The following MAGI3 variants were observed in gnomAD, a reference collection of about 807,000 sequenced individuals.
MAGI3 encodes the protein membrane associated guanylate kinase, WW and PDZ domain containing 3.
MAGI3 carries 43 observed loss-of-function variants against 121.8 expected under a neutral mutation model. That is an observed-to-expected ratio of 0.35 (90% CI 0.28 to 0.46). MAGI3 has a LOEUF of 0.46. MAGI3 is among the 20% of genes least tolerant of loss of function. The pLI is 1.00. For missense variants in MAGI3, 1,547 were observed against 1,797.3 expected, an observed-to-expected ratio of 0.86 and a Z score of 2.52; for synonymous variants, 553 against 639.3, an observed-to-expected ratio of 0.86 and a Z score of 2.04.
intron 1 of MAGI3, among the ~76,000 whole-genome samples, chr1:113,463,883 A>G (rs1655150571): frequency 1.3e-5 from 2 of 152,076 alleles, no homozygotes; most frequent in Admixed American, 1.3e-4. Flanking sequence ...TTATGGATGT[A>G]TAATAGAGGT....
intron 1 of MAGI3, among the ~76,000 whole-genome samples, chr1:113,527,279 T>G (rs921466496): frequency 6.6e-6 from 1 of 152,044 alleles, no homozygotes; most frequent in African/African-American, 2.4e-5. Flanking sequence ...GCATTCACAT[T>G]TGGATTTGCT....
chr1:113,423,903 G>A (rs1417145135), intron 1 of MAGI3, among the ~76,000 whole-genome samples: 2 of 151,926 alleles, frequency 1.3e-5, no homozygotes, highest in African/African-American at 2.4e-5. Flanking sequence ...TGGGGTGGGG[G>A]CGGGGACTGG....
At chr1:113,669,290 C>T (rs1647375900) in intron 16 of MAGI3, among the ~76,000 whole-genome samples, 1 of 152,126 alleles carries the variant, frequency 6.6e-6, no homozygotes, top group Non-Finnish European at 1.5e-5. Context: ...ACAGGAATAT[C>T]GAGATAACTG....
chr1:113,453,309 A>G (rs890408123), intron 1 of MAGI3, among the ~76,000 whole-genome samples: 1 of 152,136 alleles, frequency 6.6e-6, no homozygotes, highest in Non-Finnish European at 1.5e-5. Context: ...CCTGTTTCCA[A>G]TTCAAATTTC....
At chr1:113,628,466 T>C (rs957154648) in intron 9 of MAGI3, among the ~76,000 whole-genome samples, 1 of 152,178 alleles carries the variant, frequency 6.6e-6, no homozygotes, top group Non-Finnish European at 1.5e-5. Flanking sequence ...CCACCACAAT[T>C]ACAGTTTAAT....
chr1:113,643,638 C>G, intron 10 of MAGI3, 105 bp from the exon 11 acceptor site: 1 of 994,598 alleles, frequency 1.0e-6, no homozygotes, highest in Non-Finnish European at 1.6e-6. Context: ...ACAGAATTTA[C>G]TAGCGTACTA....
At chr1:113,657,799 A>G (rs1653564896) in intron 15 of MAGI3, among the ~76,000 whole-genome samples, 2 of 152,244 alleles carry the variant, frequency 1.3e-5, no homozygotes, top group South Asian at 4.1e-4. Context: ...AAATAGAATA[A>G]TAAGTGCTTG....
chr1:113,521,571 A>G (rs1421451286), intron 1 of MAGI3, among the ~76,000 whole-genome samples: 2 of 151,088 alleles, frequency 1.3e-5, no homozygotes, highest in Non-Finnish European at 3.0e-5. Flanking sequence ...ACGCCCAGCT[A>G]ATTTTTGTGT....
chr1:113,439,066 G>C (rs2101451708), intron 1 of MAGI3, among the ~76,000 whole-genome samples: 1 of 152,240 alleles, frequency 6.6e-6, no homozygotes, highest in South Asian at 2.1e-4. Context: ...AGGATTACTT[G>C]AACACAGGCA....
In MAGI3 at chr1:113,391,365, G is replaced by C. The variant is rs1308167597; in HGVS notation, c.316+16G>C. 6.3e-7 allele frequency: 1 copy of C among 1,577,508 alleles called. No individual in the cohort carries two copies. Among genetic ancestry groups the C allele is most frequent in the Non-Finnish European group, 8.6e-7 (1 of 1,162,846 alleles). On this transcript the variant is annotated intron_variant, in intron 1 of 20. Coordinates refer to ENST00000307546, the MANE Select transcript of MAGI3 (RefSeq NM_001142782.2). This position sits in a 1 kb window ranked among gnomAD's most constrained non-coding sequence, Gnocchi z 4.4. ...GTGAAACCAGGTACGCCGGCCCTGC[G>C]TATCTGTCTCGGGGTGTTGGGGAGA...
intron 6 of MAGI3, among the ~76,000 whole-genome samples, chr1:113,604,613 G>GGT (rs1253756010): frequency 2.1e-5 from 3 of 144,236 alleles, no homozygotes; most frequent in Middle Eastern, 7.6e-3. Flanking sequence ...AAGAAAATGT[G>GGT]GTATATATAT....
chr1:113,480,257 C>G (rs1437114153), intron 1 of MAGI3, among the ~76,000 whole-genome samples: 1 of 152,194 alleles, frequency 6.6e-6, no homozygotes, highest in African/African-American at 2.4e-5. Flanking sequence ...GCAGGGAATG[C>G]CCTGCAACAG....
Position 113,618,373 on chromosome 1 carries a change from T to C in MAGI3, c.1077-1363T>C, listed in dbSNP as rs1445493206. On this transcript the variant is annotated intron_variant, in intron 7 of 20. Coordinates refer to ENST00000307546, the MANE Select transcript of MAGI3 (RefSeq NM_001142782.2). ...TAAATAAAGAAATAAAAAGGCAAAG[T>C]AAATGTTCAACTTGTGTGACTATTT... 3.9e-5 allele frequency among the ~76,000 whole-genome samples: 6 copies of C among 152,278 alleles called. No individual in the cohort carries two copies. The East Asian group carries it at 1.2e-3, about 29-fold the overall frequency.
At chr1:113,449,348 C>T (rs1474283938) in intron 1 of MAGI3, among the ~76,000 whole-genome samples, 1 of 113,218 alleles carries the variant, frequency 8.8e-6, no homozygotes, top group East Asian at 3.8e-4. Context: ...ATAAGTGTTG[C>T]ATTACTTTTA....
intron 1 of MAGI3, among the ~76,000 whole-genome samples, chr1:113,431,577 A>G (rs1212754068): frequency 6.6e-6 from 1 of 152,208 alleles, no homozygotes; most frequent in African/African-American, 2.4e-5. Flanking sequence ...ATAGTATTTA[A>G]GTAAACCTAA....
intron 1 of MAGI3, among the ~76,000 whole-genome samples, chr1:113,520,832 C>T (rs976191345): frequency 6.6e-6 from 1 of 151,986 alleles, no homozygotes. Flanking sequence ...GAACTCCTGA[C>T]CTCAGGTGAT....
At chr1:113,589,953 C>T (rs1648593673) in intron 4 of MAGI3, among the ~76,000 whole-genome samples, 1 of 151,994 alleles carries the variant, frequency 6.6e-6, no homozygotes, top group South Asian at 2.1e-4. Context: ...TAAATGTGTA[C>T]AAGGCAGCTT....
At chr1:113,425,539 C>T (rs1652964138) in intron 1 of MAGI3, among the ~76,000 whole-genome samples, 1 of 151,932 alleles carries the variant, frequency 6.6e-6, no homozygotes, top group African/African-American at 2.4e-5. Context: ...CCACCTCAGC[C>T]TCTCAAAGTG....
chr1:113,458,036 G>C (rs750169853), intron 1 of MAGI3, among the ~76,000 whole-genome samples: 8 of 152,208 alleles, frequency 5.3e-5, no homozygotes, highest in Admixed American at 3.9e-4. Context: ...ACCAGGTCAC[G>C]TAGGAACTTG....
Sources: gnomAD v4.1 joint callset for allele counts (sites outside exome capture counted in the v4.1 genomes callset) on GRCh38, gnomAD v4.1.1 for gene constraint, Gnocchi (gnomAD v3.1) non-coding constraint, MANE v1.5 for transcripts, NCBI Gene and HGNC (gene_info 2026-07-23, HGNC 2026-07-21) for gene names.